The following SGPP2 variants were observed in gnomAD, a reference collection of about 807,000 sequenced individuals.
SGPP2 encodes sphingosine 1-phosphate phosphohydrolase 2.
Under a neutral mutation model 33.9 loss-of-function variants are expected in SGPP2, and 30 were observed. That is an observed-to-expected ratio of 0.89 (90% CI 0.66 to 1.20). SGPP2 has a LOEUF of 1.20. SGPP2 is among the 50% of genes most tolerant of loss of function. SGPP2 has a pLI of 0.00. For synonymous variants in SGPP2, 233 were observed against 225.0 expected, an observed-to-expected ratio of 1.04 and a Z score of -0.32; for missense variants, 458 against 532.1, an observed-to-expected ratio of 0.86 and a Z score of 1.37.
At chr2:222,445,357 C>A (rs941299663) in intron 1 of SGPP2, among the ~76,000 whole-genome samples, 4 of 152,228 alleles carry the variant, frequency 2.6e-5, no homozygotes, top group Non-Finnish European at 5.9e-5. Context: ...TGCATTCCTG[C>A]ATAACCATAA....
chr2:222,562,310 A>G lies in SGPP2; in HGVS notation c.*3412A>G, dbSNP rs1559182143. On this transcript the variant is annotated 3_prime_UTR_variant, in exon 5 of 5. Coordinates refer to ENST00000321276, the MANE Select transcript of SGPP2 (RefSeq NM_152386.4). Reference sequence around the variant, plus strand: ...CTCATTTCATGCCAGTTTTGCTCAAACCTGCACCGTCACAAGATATTCAGA... The same window carrying G: ...CTCATTTCATGCCAGTTTTGCTCAAGCCTGCACCGTCACAAGATATTCAGA... Among the ~76,000 whole-genome samples the G allele has an allele frequency of 2.0e-5, 3 of 152,192 alleles. No homozygotes were observed. The highest frequency in any genetic ancestry group is 6.5e-5 in the Admixed American group (1 of 15,284).
intron 1 of SGPP2, chr2:222,453,005 A>C (rs1033202205): frequency 4.4e-6 from 7 of 1,583,862 alleles, no homozygotes; most frequent in African/African-American, 4.0e-5. Context: ...AAGAGAACAC[A>C]GTTCTGGTCT....
At chr2:222,519,879 T>C (rs978033356) in intron 2 of SGPP2, among the ~76,000 whole-genome samples, 5 of 152,248 alleles carry the variant, frequency 3.3e-5, no homozygotes, top group African/African-American at 1.2e-4. Flanking sequence ...TATTCCATAG[T>C]GTACCTGTAC....
chr2:222,435,040 G>C (rs983680334), intron 1 of SGPP2, among the ~76,000 whole-genome samples: 1 of 144,664 alleles, frequency 6.9e-6, no homozygotes, highest in South Asian at 2.2e-4. Context: ...ATATATATGT[G>C]TATATATATA....
At position 222,444,175 on chromosome 2, in the gene SGPP2, A is replaced by G. The variant is rs1697366202; in HGVS notation, c.219+19354A>G. ...GTGATGGGAGACAAGGGACCTTGGG[A>G]CCATACAGATGGTGCAGATCTACTT... On this transcript the variant is annotated intron_variant, in intron 1 of 4. Coordinates refer to ENST00000321276, the MANE Select transcript of SGPP2 (RefSeq NM_152386.4). Among the ~76,000 whole-genome samples the G allele has an allele frequency of 2.0e-5, 3 of 152,182 alleles. No homozygotes were observed. The South Asian group carries it at 6.2e-4, about 31-fold the overall frequency.
chr2:222,537,573 A>C (rs1698933772), intron 4 of SGPP2, among the ~76,000 whole-genome samples: 1 of 152,240 alleles, frequency 6.6e-6, no homozygotes, highest in Admixed American at 6.5e-5. Flanking sequence ...AAAGAATAAC[A>C]GTCAAGGTTG....
At chr2:222,475,310 G>A (rs1697917145) in intron 2 of SGPP2, among the ~76,000 whole-genome samples, 1 of 152,082 alleles carries the variant, frequency 6.6e-6, no homozygotes, top group Admixed American at 6.5e-5. Context: ...AACACAACTT[G>A]TTTTATTTGT....
intron 1 of SGPP2, among the ~76,000 whole-genome samples, chr2:222,459,142 C>CTTTCTTTTTTTTTTT (rs1414316448): frequency 1.1e-4 from 10 of 94,466 alleles, no homozygotes; most frequent in Non-Finnish European, 1.7e-4. Flanking sequence ...TTCTTTCTTT[C>CTTTCTTTTTTTTTTT]TTTTTTTTTT....
intron 1 of SGPP2, among the ~76,000 whole-genome samples, chr2:222,451,867 T>A (rs1697495233): frequency 6.6e-6 from 1 of 152,200 alleles, no homozygotes; most frequent in African/African-American, 2.4e-5. Context: ...ATTATTATTA[T>A]CAACAAGAAC....
At chr2:222,436,188 A>T (rs1445562575) in intron 1 of SGPP2, among the ~76,000 whole-genome samples, 1 of 152,188 alleles carries the variant, frequency 6.6e-6, no homozygotes, top group East Asian at 1.9e-4. Flanking sequence ...TGGCAATCTT[A>T]ACTTCCAGTT....
chr2:222,505,934 C>CA (rs35318533), intron 2 of SGPP2, among the ~76,000 whole-genome samples: 2,854 of 94,834 alleles, frequency 0.03, 112 homozygotes, highest in African/African-American at 0.094. Flanking sequence ...AACTCTGTCT[C>CA]AAAAAAAAAA....
At chr2:222,456,398 T>C (rs977963860) in intron 1 of SGPP2, among the ~76,000 whole-genome samples, 7 of 152,184 alleles carry the variant, frequency 4.6e-5, no homozygotes, top group Non-Finnish European at 1.0e-4. Context: ...ATGCAACTGG[T>C]ACTATTGGGA....
At chr2:222,429,444 A>G (rs1285795139) in intron 1 of SGPP2, among the ~76,000 whole-genome samples, 2 of 152,256 alleles carry the variant, frequency 1.3e-5, no homozygotes, top group African/African-American at 4.8e-5. Flanking sequence ...ACAAAATGAG[A>G]TAGTTCGAAA....
At chr2:222,430,301 A>G (rs1448276086) in intron 1 of SGPP2, among the ~76,000 whole-genome samples, 1 of 152,182 alleles carries the variant, frequency 6.6e-6, no homozygotes, top group Admixed American at 6.5e-5. Flanking sequence ...GAATGATGAC[A>G]AGTTCAGCTT....
intron 1 of SGPP2, among the ~76,000 whole-genome samples, chr2:222,449,075 G>A (rs867378958): frequency 1.1e-4 from 16 of 152,302 alleles, no homozygotes; most frequent in East Asian, 7.7e-4. Context: ...TAGAATTTCC[G>A]TCTGTGGAGA....
chr2:222,502,056 C>G (rs1011785414), intron 2 of SGPP2, among the ~76,000 whole-genome samples: 1 of 152,144 alleles, frequency 6.6e-6, no homozygotes, highest in Non-Finnish European at 1.5e-5. Flanking sequence ...CACAAATTTT[C>G]CCATTTGTTA....
intron 2 of SGPP2, among the ~76,000 whole-genome samples, chr2:222,520,735 A>AG (rs1559168278): frequency 8.9e-6 from 1 of 112,934 alleles, no homozygotes; most frequent in African/African-American, 2.7e-5. Context: ...AAAAAAAAAA[A>AG]AAAAAAAAAA....
chr2:222,537,547 G>A (rs1189783804), intron 4 of SGPP2, among the ~76,000 whole-genome samples: 2 of 152,172 alleles, frequency 1.3e-5, no homozygotes, highest in African/African-American at 4.8e-5. Context: ...TCTTGCCTGT[G>A]AGATTGGTTT....
intron 2 of SGPP2, among the ~76,000 whole-genome samples, chr2:222,478,267 TTGTGTGTG>T (rs113118208): frequency 4.2e-5 from 6 of 141,592 alleles, no homozygotes; most frequent in South Asian, 2.3e-4. Context: ...GTGCATGCAT[TTGTGTGTG>T]TGTGTGTGTG....
Sources: gnomAD v4.1 joint callset for allele counts (sites outside exome capture counted in the v4.1 genomes callset) on GRCh38, gnomAD v4.1.1 for gene constraint, MANE v1.5 for transcripts, NCBI Gene and HGNC (gene_info 2026-07-23, HGNC 2026-07-21) for gene names.